Variants in KLF17 observed in about 807,000 individuals in gnomAD.
KLF17 encodes Krueppel-like factor 17.
In KLF17, 31 loss-of-function variants were observed where a neutral mutation model predicts 34.2. The ratio of observed to expected loss-of-function variants is 0.91; its 90% confidence interval spans 0.68 to 1.22. The LOEUF is 1.22. Among genes scored for constraint, KLF17 ranks in the 50% most tolerant of loss-of-function variants. The probability of loss-of-function intolerance (pLI) is 0.00; values close to 1 mark genes in which losing one functional copy is unlikely to be tolerated. For missense variants in KLF17, 478 were observed against 505.2 expected, an observed-to-expected ratio of 0.95 and a Z score of 0.52; for synonymous variants, 179 against 186.7, an observed-to-expected ratio of 0.96 and a Z score of 0.34.
the KLF17 span, among the ~76,000 whole-genome samples, chr1:44,101,896 C>G: frequency 6.6e-6 from 1 of 151,910 alleles, no homozygotes; most frequent in African/African-American, 2.4e-5. Context: ...CAAACAAAAC[C>G]CACAAAAATT....
the KLF17 span, among the ~76,000 whole-genome samples, chr1:44,052,628 C>T: frequency 6.6e-6 from 1 of 152,190 alleles, no homozygotes; most frequent in Non-Finnish European, 1.5e-5. Flanking sequence ...TAACACCTTG[C>T]TGTCTATATT....
chr1:44,075,113 G>GAACACA, the KLF17 span: 2 of 146,416 alleles, frequency 1.4e-5, no homozygotes, highest in African/African-American at 2.5e-5. Context: ...CTAACAAAAT[G>GAACACA]CACACACACA....
At chr1:44,083,370 T>A in the KLF17 span, among the ~76,000 whole-genome samples, 1 of 152,070 alleles carries the variant, frequency 6.6e-6, no homozygotes, top group Non-Finnish European at 1.5e-5. Context: ...ATTATTCTCT[T>A]GAAAGTTGTA....
the KLF17 span, among the ~76,000 whole-genome samples, chr1:44,112,191 G>A: frequency 6.6e-6 from 1 of 152,088 alleles, no homozygotes; most frequent in East Asian, 1.9e-4. Flanking sequence ...ACAAACAATG[G>A]TGCAATACTT....
At chr1:44,130,370 G>T in intron 2 of KLF17, 142 bp from the exon 3 acceptor site, 2 of 1,364,280 alleles carry the variant, frequency 1.5e-6, no homozygotes, top group Non-Finnish European at 2.0e-6. Flanking sequence ...TGACTGGGGC[G>T]GGCACTCCTG....
chr1:44,127,755 TTTC>T (rs2088043844), intron 1 of KLF17, among the ~76,000 whole-genome samples: 2 of 148,142 alleles, frequency 1.4e-5, no homozygotes, highest in Non-Finnish European at 3.0e-5. Flanking sequence ...TTCTCTTTTC[TTTC>T]TTTCTTCTCT....
chr1:44,085,261 G>C, the KLF17 span, among the ~76,000 whole-genome samples: 1 of 152,124 alleles, frequency 6.6e-6, no homozygotes, highest in South Asian at 2.1e-4. Flanking sequence ...AGGTACAGAA[G>C]TAAATTATAT....
the KLF17 span, among the ~76,000 whole-genome samples, chr1:44,050,023 C>T: frequency 1.3e-5 from 2 of 152,174 alleles, no homozygotes; most frequent in Non-Finnish European, 2.9e-5. Flanking sequence ...TCAGGATGTC[C>T]GGTTAAGTTG....
At chr1:44,110,638 G>T in the KLF17 span, 1 of 152,154 alleles carries the variant, frequency 6.6e-6, no homozygotes, top group Non-Finnish European at 1.5e-5. Context: ...AGGTTGCGAT[G>T]AGCCGAGATC....
chr1:44,057,245 AT>A, the KLF17 span, among the ~76,000 whole-genome samples: 1 of 152,188 alleles, frequency 6.6e-6, no homozygotes, highest in Non-Finnish European at 1.5e-5. Context: ...GGGCCCTCCA[AT>A]TGGGAAAAGA....
the KLF17 span, among the ~76,000 whole-genome samples, chr1:44,094,003 T>G: frequency 3.3e-5 from 5 of 152,214 alleles, no homozygotes; most frequent in African/African-American, 1.2e-4. Context: ...CTGAACTACG[T>G]GAGTCCACTT....
the KLF17 span, chr1:44,104,563 G>T: frequency 3.0e-6 from 2 of 671,668 alleles, no homozygotes; most frequent in Middle Eastern, 4.3e-4. Flanking sequence ...GCAGACTCTG[G>T]TTGACTGTGA....
chr1:44,099,890 AAAGAAAGAAAGAAAGAAAGAAAG>A, the KLF17 span, among the ~76,000 whole-genome samples: 5 of 67,388 alleles, frequency 7.4e-5, 1 homozygote, highest in African/African-American at 2.3e-4. Context: ...AGAAAGAAAG[AAAGAAAGAAAGAAAGAAAGAAAG>A]AAAGAAAAGA....
At chr1:44,117,609 C>T (rs2087895758), upstream of KLF17, among the ~76,000 whole-genome samples, 1 of 152,010 alleles carries the variant, frequency 6.6e-6, no homozygotes, top group African/African-American at 2.4e-5. Context: ...GATTCTCCTG[C>T]CTCAGCCTCC....
At chr1:44,090,664 C>T in the KLF17 span, among the ~76,000 whole-genome samples, 1 of 151,950 alleles carries the variant, frequency 6.6e-6, no homozygotes, top group African/African-American at 2.4e-5. Flanking sequence ...GCACTGACCA[C>T]GGGGAGGGAC....
At chr1:44,125,311 G>A (rs2087994794) in intron 1 of KLF17, among the ~76,000 whole-genome samples, 1 of 152,098 alleles carries the variant, frequency 6.6e-6, no homozygotes, top group Admixed American at 6.6e-5. Context: ...ATATAGGATG[G>A]TTAATAGTTA....
the KLF17 span, among the ~76,000 whole-genome samples, chr1:44,097,464 C>T: frequency 3.3e-5 from 5 of 152,044 alleles, no homozygotes; most frequent in Admixed American, 6.6e-5. Context: ...GTAGTATGGC[C>T]ATTTTCACGA....
chr1:44,070,612 T>TTTTTTTTTTTC, the KLF17 span, among the ~76,000 whole-genome samples: 1 of 146,474 alleles, frequency 6.8e-6, no homozygotes, highest in African/African-American at 2.5e-5. Context: ...TTTTTTTTTT[T>TTTTTTTTTTTC]TTTTGAGACA....
At chr1:44,116,587 G>C (rs893399559), upstream of KLF17, among the ~76,000 whole-genome samples, 8 of 152,216 alleles carry the variant, frequency 5.3e-5, no homozygotes, top group East Asian at 5.8e-4. Context: ...TCTTCCCTTG[G>C]CAGCCCAGTC....
Sources: allele counts gnomAD v4.1 joint callset (sites outside exome capture counted in the v4.1 genomes callset), GRCh38; gene constraint gnomAD v4.1.1; transcripts MANE v1.5; gene names NCBI Gene and HGNC (gene_info 2026-07-23, HGNC 2026-07-21).